Variants in MNAT1 observed in about 807,000 individuals in gnomAD.
MNAT1 encodes the protein CDK-activating kinase assembly factor MAT1.
A neutral mutation model predicts 42.0 loss-of-function variants in MNAT1; 43 were observed. That is an observed-to-expected ratio of 1.02 (90% CI 0.80 to 1.32). The LOEUF is 1.32. MNAT1 is among the 40% of genes most tolerant of loss of function. The pLI, the probability that MNAT1 is intolerant of heterozygous loss-of-function variation, is 0.00. For missense variants in MNAT1, 306 were observed against 350.4 expected, an observed-to-expected ratio of 0.87 and a Z score of 1.01; for synonymous variants, 118 against 120.0, an observed-to-expected ratio of 0.98 and a Z score of 0.11.
chr14:60,895,222 A>G (rs1456243558), intron 7 of MNAT1, among the ~76,000 whole-genome samples: 1 of 152,186 alleles, frequency 6.6e-6, no homozygotes, highest in Non-Finnish European at 1.5e-5. Flanking sequence ...TTCTGGAATT[A>G]TTATCTGAAG....
chr14:60,879,929 T>G (rs1185800593), intron 7 of MNAT1, 94 bp downstream of exon 7: 1 of 1,372,262 alleles, frequency 7.3e-7, no homozygotes, highest in Non-Finnish European at 9.8e-7. Flanking sequence ...ATTTTCAGTT[T>G]ATAGAACTTT....
chr14:60,801,392 C>T (rs1313732667), intron 3 of MNAT1, among the ~76,000 whole-genome samples: 2 of 152,060 alleles, frequency 1.3e-5, no homozygotes, highest in East Asian at 3.8e-4. Flanking sequence ...ACAAAGGAAA[C>T]AACAGAGTGA....
chr14:60,966,218 A>G (rs1209604401), intron 7 of MNAT1, among the ~76,000 whole-genome samples: 1 of 148,974 alleles, frequency 6.7e-6, no homozygotes, highest in Non-Finnish European at 1.5e-5. Flanking sequence ...CCTCTGCCTC[A>G]TGGACTGAAG....
At chr14:60,744,481 G>T (rs564473759) in intron 1 of MNAT1, among the ~76,000 whole-genome samples, 12 of 152,220 alleles carry the variant, frequency 7.9e-5, no homozygotes, top group Admixed American at 5.9e-4. Context: ...GTAGGTTACA[G>T]TTTTCTGCTT....
intron 7 of MNAT1, among the ~76,000 whole-genome samples, chr14:60,929,643 C>A (rs765393874): frequency 2.6e-5 from 4 of 152,060 alleles, no homozygotes; most frequent in Non-Finnish European, 4.4e-5. Context: ...GAGTCCTGAA[C>A]GTTTTCTTGA....
intron 6 of MNAT1, among the ~76,000 whole-genome samples, chr14:60,850,548 T>C (rs913827414): frequency 6.6e-6 from 1 of 152,218 alleles, no homozygotes. Context: ...GTTTTAATGT[T>C]TGAGAGCTTC....
At chr14:60,858,420 T>G (rs1422879224) in intron 6 of MNAT1, among the ~76,000 whole-genome samples, 24 of 121,900 alleles carry the variant, frequency 2.0e-4, no homozygotes, top group East Asian at 1.2e-3. Context: ...TTTGATGGGG[T>G]TTTTTTTTTT....
chr14:60,741,421 G>A (rs540680460), intron 1 of MNAT1, among the ~76,000 whole-genome samples: 65 of 151,874 alleles, frequency 4.3e-4, no homozygotes, highest in East Asian at 1.6e-3. Context: ...GTGCAGTGGC[G>A]CGATCTCAGC....
chr14:60,794,768 A>T (rs2031959132), intron 1 of MNAT1, among the ~76,000 whole-genome samples: 1 of 150,532 alleles, frequency 6.6e-6, no homozygotes. Context: ...TTTACTAATA[A>T]CCTTAAAAAT....
At chr14:60,844,025 G>A (rs1331835663) in intron 6 of MNAT1, among the ~76,000 whole-genome samples, 1 of 152,122 alleles carries the variant, frequency 6.6e-6, no homozygotes, top group East Asian at 1.9e-4. Context: ...TATTTGTAGA[G>A]AATACTTTTC....
intron 7 of MNAT1, among the ~76,000 whole-genome samples, chr14:60,958,634 C>CTTTTTTTTTT (rs71114172): frequency 3.2e-5 from 3 of 93,882 alleles, no homozygotes; most frequent in African/African-American, 4.3e-5. Context: ...GAGACAAGGT[C>CTTTTTTTTTT]TTTTTTTTTT....
chr14:60,855,368 A>C (rs1248582307), intron 6 of MNAT1, among the ~76,000 whole-genome samples: 1 of 150,776 alleles, frequency 6.6e-6, no homozygotes, highest in East Asian at 1.9e-4. Context: ...TATAAAAAAA[A>C]CCTCCTGCAG....
chr14:60,831,910 G>T (rs1474677750), intron 6 of MNAT1, among the ~76,000 whole-genome samples: 1 of 152,134 alleles, frequency 6.6e-6, no homozygotes, highest in Non-Finnish European at 1.5e-5. Flanking sequence ...GTTTTGATTT[G>T]CATTTCTCTA....
At chr14:60,935,152 G>T (rs750223584) in intron 7 of MNAT1, among the ~76,000 whole-genome samples, 12 of 152,082 alleles carry the variant, frequency 7.9e-5, no homozygotes, top group African/African-American at 1.2e-4. Context: ...TTTTGTTGAT[G>T]CTGTCAGTTA....
At chr14:60,826,296 G>T (rs1184871314) in intron 6 of MNAT1, among the ~76,000 whole-genome samples, 1 of 146,604 alleles carries the variant, frequency 6.8e-6, no homozygotes, top group Non-Finnish European at 1.5e-5. Context: ...TTTTATGCAT[G>T]AATAGGAGAA....
At chr14:60,753,583 G>A (rs1658434233) in intron 1 of MNAT1, 1 of 152,124 alleles carries the variant, frequency 6.6e-6, no homozygotes, top group Admixed American at 6.5e-5. Flanking sequence ...ACAAACAGAA[G>A]CCACGATGTC....
In MNAT1 at chr14:60,780,451, C is replaced by A. The variant is rs185739449; in HGVS notation, c.90-15766C>A. 2.3e-5 allele frequency: 36 copies of A among 1,541,650 alleles called. 1 individual carries two copies. In the African/African-American group the frequency reaches 3.4e-4, roughly 14 times the overall value. On this transcript the variant is annotated intron_variant, in intron 1 of 7. Transcript: ENST00000261245. The stretch of plus-strand genomic sequence containing the variant: ...CATTTGATCTGCTGATTTACACAGA[C>A]AAAGATTTGGTTGTACCTGAAAAAT...
chr14:60,870,776 T>G (rs1438823207), intron 6 of MNAT1, among the ~76,000 whole-genome samples: 1 of 152,210 alleles, frequency 6.6e-6, no homozygotes, highest in Non-Finnish European at 1.5e-5. Flanking sequence ...AATTACTTAT[T>G]TAAAATATAC....
intron 7 of MNAT1, among the ~76,000 whole-genome samples, chr14:60,926,664 G>A (rs771966793): frequency 1.1e-4 from 17 of 151,684 alleles, no homozygotes; most frequent in Non-Finnish European, 1.8e-4. Flanking sequence ...CACCCGCCAC[G>A]GATCTCCACA....
Sources: allele counts gnomAD v4.1 joint callset (sites outside exome capture counted in the v4.1 genomes callset), GRCh38; gene constraint gnomAD v4.1.1; transcripts MANE v1.5; gene names NCBI Gene and HGNC (gene_info 2026-07-23, HGNC 2026-07-21).